Variants in THOC5 observed in about 807,000 individuals in gnomAD.
The protein encoded by THOC5 is Fms-interacting protein.
A neutral mutation model predicts 92.9 loss-of-function variants in THOC5; 43 were observed. The observed-to-expected ratio is 0.46, with a 90% CI of 0.36 to 0.60. The LOEUF (loss-of-function observed/expected upper bound fraction) is 0.60. Ranked by LOEUF, THOC5 falls within the 20% of genes least tolerant of loss-of-function variation. THOC5 has a pLI of 0.00. For synonymous variants in THOC5, 296 were observed against 320.1 expected, an observed-to-expected ratio of 0.92 and a Z score of 0.80; for missense variants, 659 against 849.4, an observed-to-expected ratio of 0.78 and a Z score of 2.79.
Position 29,517,333 on chromosome 22 carries a change from T to A in THOC5, c.1523A>T (p.Gln508Leu). The change falls in exon 16 of 20, where the codon CAG becomes CTG. Residue 508 changes from glutamine (Q) to leucine (L), a missense_variant. Transcript: ENST00000490103. ...GACAACCTTGGCAGGGAAGAGGTAC[T>A]GGCAATCACTGGTAACTGGCACAAT... is the stretch of plus-strand genomic sequence containing the variant. Reference protein sequence around the residue: ...HGIVPVTSDCQYLFPAKVVSR... With the variant: ...HGIVPVTSDCLYLFPAKVVSR... 1 of 1,614,218 alleles carries A rather than the reference T, an allele frequency of 6.2e-7. No individual in the cohort carries two copies. Among genetic ancestry groups the A allele is most frequent in the Non-Finnish European group, 8.5e-7 (1 of 1,180,034 alleles).
At chr22:29,534,650 A>G (rs2063720896) in intron 7 of THOC5, 1 of 152,010 alleles carries the variant, frequency 6.6e-6, no homozygotes, top group Non-Finnish European at 1.5e-5. Context: ...TACAATATAT[A>G]AAGTAAAATA....
intron 11 of THOC5, 104 bp from the exon 12 acceptor site, chr22:29,526,050 T>C (rs934520921): frequency 7.2e-6 from 5 of 698,360 alleles, no homozygotes; most frequent in Non-Finnish European, 1.2e-5. Flanking sequence ...GTTGAAAAAC[T>C]AACTACTAGG....
At chr22:29,522,164 C>G (rs1403963179) in intron 12 of THOC5, among the ~76,000 whole-genome samples, 1 of 148,354 alleles carries the variant, frequency 6.7e-6, no homozygotes, top group Non-Finnish European at 1.5e-5. Flanking sequence ...TCCTGGCTAA[C>G]ACGGTGAAAC....
chr22:29,530,124 C>T (rs1335519353), intron 8 of THOC5, among the ~76,000 whole-genome samples: 2 of 149,934 alleles, frequency 1.3e-5, no homozygotes, highest in South Asian at 2.1e-4. Context: ...GCCTGGGCAA[C>T]AGAGTGAGAC....
chr22:29,540,873 A>G (rs1471164967), intron 5 of THOC5, among the ~76,000 whole-genome samples: 1 of 152,194 alleles, frequency 6.6e-6, no homozygotes, highest in African/African-American at 2.4e-5. Flanking sequence ...ATTCATATTT[A>G]ACTATTGTTA....
chr22:29,514,917 C>G (rs1025429488), intron 17 of THOC5, among the ~76,000 whole-genome samples: 1 of 151,978 alleles, frequency 6.6e-6, no homozygotes. Context: ...GTTGGCCAGG[C>G]TGGTCTTGAA....
intron 5 of THOC5, among the ~76,000 whole-genome samples, chr22:29,541,087 C>T (rs140445437): frequency 2.0e-5 from 3 of 151,694 alleles, no homozygotes; most frequent in East Asian, 3.9e-4. Flanking sequence ...TGTGGTGGCT[C>T]ATGCATGCAA....
chr22:29,518,042 TTTTTA>T (rs1166282393), intron 15 of THOC5, among the ~76,000 whole-genome samples: 4 of 152,186 alleles, frequency 2.6e-5, no homozygotes, highest in African/African-American at 9.7e-5. Context: ...TATTTTTTAC[TTTTTA>T]TTTTGAGATG....
At chr22:29,525,614 T>C (rs572889152) in intron 12 of THOC5, among the ~76,000 whole-genome samples, 37 of 152,316 alleles carry the variant, frequency 2.4e-4, no homozygotes, top group Non-Finnish European at 5.0e-4. Context: ...TGTTGTCACT[T>C]TTATCATCTG....
intron 2 of THOC5, chr22:29,544,963 C>A: frequency 3.0e-6 from 1 of 331,328 alleles, no homozygotes; most frequent in South Asian, 2.3e-5. Context: ...ACTGTCCGTG[C>A]TGTTAAGTGC....
At chr22:29,508,629 A>G in intron 19 of THOC5, 109 bp from the exon 20 acceptor site, 1 of 984,414 alleles carries the variant, frequency 1.0e-6, no homozygotes, top group Non-Finnish European at 1.6e-6. Context: ...TACATGACAC[A>G]GAATGTTGTT....
chr22:29,544,378 C>G (rs2063967980), intron 3 of THOC5, 82 bp downstream of exon 3: 1 of 1,435,298 alleles, frequency 7.0e-7, no homozygotes, highest in Non-Finnish European at 9.4e-7. Context: ...AGATCAAGAT[C>G]AGGAAGGGCC....
intron 16 of THOC5, 72 bp from the exon 17 acceptor site, chr22:29,517,188 G>A: frequency 1.9e-6 from 3 of 1,604,906 alleles, no homozygotes; most frequent in South Asian, 1.1e-5. Flanking sequence ...TTCCAGTGAG[G>A]TGGCAGGAGC....
chr22:29,511,058 G>A (rs752524157), intron 19 of THOC5, 48 bp downstream of exon 19: 2 of 1,581,132 alleles, frequency 1.3e-6, no homozygotes, highest in Non-Finnish European at 1.7e-6. Flanking sequence ...TCTGATCTCT[G>A]TCCCACATCA....
intron 17 of THOC5, among the ~76,000 whole-genome samples, chr22:29,513,583 G>A (rs1038776282): frequency 3.3e-5 from 5 of 152,054 alleles, no homozygotes; most frequent in Admixed American, 3.3e-4. Flanking sequence ...AGCTGCTTAG[G>A]AGGCCAAGAC....
intron 2 of THOC5, among the ~76,000 whole-genome samples, chr22:29,546,739 C>T (rs1007810612): frequency 2.0e-5 from 3 of 151,950 alleles, no homozygotes; most frequent in East Asian, 3.9e-4. Context: ...CGTGCCCAGC[C>T]GGGTTTTTCT....
chr22:29,515,066 G>C (rs946006014), intron 17 of THOC5, among the ~76,000 whole-genome samples: 10 of 151,338 alleles, frequency 6.6e-5, no homozygotes, highest in African/African-American at 2.4e-4. Flanking sequence ...TTTTGAAAGA[G>C]AGTCTTGCTC....
intron 19 of THOC5, among the ~76,000 whole-genome samples, chr22:29,508,964 G>A (rs967694805): frequency 6.6e-6 from 1 of 151,976 alleles, no homozygotes; most frequent in African/African-American, 2.4e-5. Flanking sequence ...CCCGGGTTTA[G>A]GTTGAGGTTT....
chr22:29,523,646 G>T (rs1472503359), intron 12 of THOC5, among the ~76,000 whole-genome samples: 1 of 152,094 alleles, frequency 6.6e-6, no homozygotes, highest in Non-Finnish European at 1.5e-5. Context: ...CCAAGACAAT[G>T]AATCTTAGGA....
Sources: allele counts gnomAD v4.1 joint callset (sites outside exome capture counted in the v4.1 genomes callset), GRCh38; gene constraint gnomAD v4.1.1; transcripts MANE v1.5; gene names NCBI Gene and HGNC (gene_info 2026-07-23, HGNC 2026-07-21).